The following TRPC4 variants were observed in gnomAD, a reference collection of about 807,000 sequenced individuals.
The protein encoded by TRPC4 is short transient receptor potential channel 4.
Under a neutral mutation model 99.4 loss-of-function variants are expected in TRPC4, and 49 were observed. The ratio of observed to expected loss-of-function variants is 0.49; its 90% CI spans 0.39 to 0.63. The LOEUF (loss-of-function observed/expected upper bound fraction) is 0.63, where lower values mean the gene tolerates loss of function less well. TRPC4 is among the 20% of genes least tolerant of loss of function. The probability of loss-of-function intolerance (pLI) is 0.00; values close to 1 mark genes in which losing one functional copy is unlikely to be tolerated. For missense variants in TRPC4, 898 were observed against 1,152.9 expected (o/e 0.78, Z 3.20); for synonymous variants, 454 against 425.9 (o/e 1.07, Z -0.81).
At chr13:37,857,925 C>T (rs1255443201) in intron 1 of TRPC4, among the ~76,000 whole-genome samples, 1 of 151,486 alleles carries the variant, frequency 6.6e-6, no homozygotes, top group Non-Finnish European at 1.5e-5. Context: ...GGGATCACAT[C>T]AAGTTAAAAA....
intron 1 of TRPC4, among the ~76,000 whole-genome samples, chr13:37,799,003 C>T (rs903195893): frequency 2.7e-5 from 4 of 150,448 alleles, no homozygotes; most frequent in African/African-American, 9.8e-5. Context: ...GTGATCTCCG[C>T]TCACTGCAAC....
At chr13:37,783,431 T>G (rs1222015808) in intron 1 of TRPC4, 71 bp from the exon 2 acceptor site, 1 of 1,239,324 alleles carries the variant, frequency 8.1e-7, no homozygotes, top group Admixed American at 2.7e-5. Context: ...ATCATACTTC[T>G]CCAACTCACA....
chr13:37,799,063 C>T (rs1428777570), intron 1 of TRPC4, among the ~76,000 whole-genome samples: 2 of 151,752 alleles, frequency 1.3e-5, no homozygotes, highest in African/African-American at 4.8e-5. Flanking sequence ...TCCCAAGTAG[C>T]TGGGACTAAA....
At chr13:37,684,891 T>C (rs898266214) in intron 4 of TRPC4, among the ~76,000 whole-genome samples, 1 of 151,348 alleles carries the variant, frequency 6.6e-6, no homozygotes, top group Non-Finnish European at 1.5e-5. Flanking sequence ...CTTTAGAACA[T>C]AGCAACTAAT....
At chr13:37,685,905 A>G (rs761857723) in intron 4 of TRPC4, among the ~76,000 whole-genome samples, 14 of 145,804 alleles carry the variant, frequency 9.6e-5, no homozygotes, top group Non-Finnish European at 1.8e-4. Context: ...TTCCATGAAG[A>G]TGATGTTAAA....
intron 3 of TRPC4, among the ~76,000 whole-genome samples, chr13:37,725,931 C>G (rs920234892): frequency 2.6e-5 from 4 of 152,108 alleles, no homozygotes; most frequent in Non-Finnish European, 5.9e-5. Context: ...GTATTGGCAG[C>G]TCACACCTGT....
intron 2 of TRPC4, among the ~76,000 whole-genome samples, chr13:37,764,320 A>G (rs1228455240): frequency 2.6e-5 from 4 of 151,252 alleles, no homozygotes; most frequent in Non-Finnish European, 4.4e-5. Flanking sequence ...ATTTTTCTAT[A>G]ATTATACATT....
At chr13:37,753,148 G>T (rs1872759682) in intron 2 of TRPC4, among the ~76,000 whole-genome samples, 1 of 151,922 alleles carries the variant, frequency 6.6e-6, no homozygotes, top group Non-Finnish European at 1.5e-5. Context: ...TATTTACACT[G>T]GTTGGAACTA....
At position 37,715,526 on chromosome 13, in the gene TRPC4, G is replaced by A. The variant is rs1456611846; in HGVS notation, c.898-23191C>T. 2.0e-5 allele frequency among the ~76,000 whole-genome samples: 3 copies of A among 152,142 alleles called. No individual in the cohort carries two copies. In the East Asian group the frequency reaches 5.8e-4, roughly 29 times the overall value. On this transcript the variant is annotated intron_variant, in intron 3 of 10. Coordinates refer to ENST00000379705, the MANE Select transcript of TRPC4 (RefSeq NM_016179.4). ...TGTGAAGAGCTTATTACAGTACCAGGTGCAAAAATATTATTAGTTCTTTCC... is the reference window on the plus strand; with the variant it reads ...TGTGAAGAGCTTATTACAGTACCAGATGCAAAAATATTATTAGTTCTTTCC...
chr13:37,782,914 T>C lies in TRPC4; in HGVS notation c.378+42A>G, dbSNP rs1046427852. On this transcript the variant is annotated intron_variant, in intron 2 of 10. Coordinates refer to ENST00000379705, the MANE Select transcript of TRPC4 (RefSeq NM_016179.4). ...AAAGAAAAGAAAAAACAAAAAACCT[T>C]CTGCAGGTAAAATAAATTAAAAACT... The C allele has an allele frequency of 2.8e-6, 4 of 1,420,486 alleles. No homozygotes were observed. In the African/African-American group the frequency reaches 5.7e-5, roughly 20 times the overall value. 88.0% of individuals were successfully genotyped at this position (1,420,486 alleles called of 1,614,324 possible).
chr13:37,687,217 C>T (rs547662469), intron 4 of TRPC4, among the ~76,000 whole-genome samples: 1 of 152,162 alleles, frequency 6.6e-6, no homozygotes, highest in South Asian at 2.1e-4. Flanking sequence ...CCCACCTCAG[C>T]CTCCCAAAGT....
chr13:37,853,921 A>G (rs936210803), intron 1 of TRPC4, among the ~76,000 whole-genome samples: 1 of 152,084 alleles, frequency 6.6e-6, no homozygotes, highest in Admixed American at 6.6e-5. Context: ...AAGTATGCTT[A>G]TAAGATGTAA....
chr13:37,869,119 TC>T (rs1959983652), intron 1 of TRPC4, among the ~76,000 whole-genome samples: 1 of 152,152 alleles, frequency 6.6e-6, no homozygotes, highest in Non-Finnish European at 1.5e-5. Context: ...AGAACATTGA[TC>T]ACTCTCCTTC....
chr13:37,764,120 C>T (rs1956294613), intron 2 of TRPC4, among the ~76,000 whole-genome samples: 2 of 151,536 alleles, frequency 1.3e-5, no homozygotes, highest in Admixed American at 6.6e-5. Flanking sequence ...GAAGCAACAG[C>T]TGAGTATGAA....
chr13:37,751,408 G>GAGAA (rs35963071), intron 2 of TRPC4, among the ~76,000 whole-genome samples: 56,222 of 151,716 alleles, frequency 0.37, 11,886 homozygotes, highest in Non-Finnish European at 0.49. Flanking sequence ...GAGAGAGAGA[G>GAGAA]AGAAAGAAAG....
At chr13:37,854,799 A>G (rs1959144035) in intron 1 of TRPC4, 1 of 152,020 alleles carries the variant, frequency 6.6e-6, no homozygotes. Flanking sequence ...CACCATAGAA[A>G]ACTACCTTCA....
chr13:37,858,472 C>T (rs1959192637), intron 1 of TRPC4, among the ~76,000 whole-genome samples: 1 of 151,642 alleles, frequency 6.6e-6, no homozygotes, highest in Admixed American at 6.6e-5. Flanking sequence ...GATATCTACA[C>T]TCCCATGTTT....
At chr13:37,776,852 T>C (rs1024431139) in intron 2 of TRPC4, among the ~76,000 whole-genome samples, 2 of 151,926 alleles carry the variant, frequency 1.3e-5, no homozygotes, top group African/African-American at 2.4e-5. Context: ...TTTAGATTTG[T>C]CTAAAGAACA....
chr13:37,844,668 T>G (rs562290472), intron 1 of TRPC4, among the ~76,000 whole-genome samples: 85 of 152,160 alleles, frequency 5.6e-4, no homozygotes, highest in Middle Eastern at 3.4e-3. Context: ...TTAAGCTTTT[T>G]CTAGGTGAGA....
Sources: gnomAD v4.1 joint callset for allele counts (sites outside exome capture counted in the v4.1 genomes callset) on GRCh38, gnomAD v4.1.1 for gene constraint, MANE v1.5 for transcripts, NCBI Gene and HGNC (gene_info 2026-07-23, HGNC 2026-07-21) for gene names.